Variants in AGBL5 observed in about 807,000 individuals in gnomAD.
The protein encoded by AGBL5 is cytosolic carboxypeptidase-like protein 5.
In AGBL5, 51 loss-of-function variants were observed where a neutral mutation model predicts 88.0. The ratio of observed to expected loss-of-function variants is 0.58; its 90% CI spans 0.46 to 0.73. The LOEUF (loss-of-function observed/expected upper bound fraction) is 0.73. AGBL5 is among the 30% of genes least tolerant of loss of function. The pLI is 0.00. For synonymous variants in AGBL5, 446 were observed against 438.8 expected (o/e 1.02, Z -0.21); for missense variants, 1,031 against 1,162.2 (o/e 0.89, Z 1.64).
At chr2:27,058,000 C>T (rs1388869126) in intron 9 of AGBL5, among the ~76,000 whole-genome samples, 16 of 150,614 alleles carry the variant, frequency 1.1e-4, no homozygotes, top group Admixed American at 6.6e-4. Flanking sequence ...CACTTGAACC[C>T]GGGAGGCAGA....
chr2:27,053,646 C>A lies in AGBL5; in HGVS notation c.387+73C>A. On this transcript the variant is annotated intron_variant, in intron 3 of 14. Coordinates refer to ENST00000360131, the MANE Select transcript of AGBL5 (RefSeq NM_021831.6). This position sits in a 1 kb window ranked among gnomAD's most constrained non-coding sequence, Gnocchi z 4.9. ...AGAGGAAAGTAAAGCGTTTTTTTTT[C>A]CTTGATACAAGTATGAAGCAGGTGG... 1 of 1,515,234 alleles carries A rather than the reference C, an allele frequency of 6.6e-7. No individual in the cohort carries two copies. Among genetic ancestry groups the A allele is most frequent in the East Asian group, 2.3e-5 (1 of 43,926 alleles). 93.9% of individuals were successfully genotyped at this position (1,515,234 alleles called of 1,614,324 possible).
chr2:27,054,448 C>T (rs1668328393), intron 4 of AGBL5, among the ~76,000 whole-genome samples, 182 bp from the exon 5 acceptor site: 1 of 152,182 alleles, frequency 6.6e-6, no homozygotes, highest in African/African-American at 2.4e-5. Context: ...CTGTCCTGTA[C>T]TCTTCATTCT....
rs574993893 is a variant in AGBL5, at chr2:27,069,017, T to C, written c.2355+273T>C. On this transcript the variant is annotated intron_variant, in intron 13 of 14. Transcript: ENST00000360131. ...TGCTAGCTTTGGCTTTCCCTGCCCC[T>C]GCCCTTAGCTTCTCCTCTCTTTCTG... is the stretch of plus-strand genomic sequence containing the variant. 2.1e-6 allele frequency: 3 copies of C among 1,415,340 alleles called. No individual in the cohort carries two copies. The African/African-American group carries it at 4.3e-5, about 20-fold the overall frequency. The allele number at this position is 1,415,340 out of a possible 1,614,324, so 87.7% of individuals were successfully genotyped here.
intron 9 of AGBL5, among the ~76,000 whole-genome samples, chr2:27,057,759 T>G (rs944452769): frequency 6.6e-6 from 1 of 152,172 alleles, no homozygotes; most frequent in Non-Finnish European, 1.5e-5. Flanking sequence ...ACTGTAGTGG[T>G]CTTGATGATT....
chr2:27,053,849 T>G lies in AGBL5; in HGVS notation c.388-47T>G, dbSNP rs1466747685. The stretch of plus-strand genomic sequence containing the variant: ...CTGGTGGTCCCAGTAGGAGCTCAGT[T>G]CTGACAATGGCATGTTGCCCCTCCC... On this transcript the variant is annotated intron_variant, in intron 3 of 14. Coordinates refer to ENST00000360131, the MANE Select transcript of AGBL5 (RefSeq NM_021831.6). This position sits in a 1 kb window ranked among gnomAD's most constrained non-coding sequence, Gnocchi z 4.9. 6.3e-7 allele frequency: 1 copy of G among 1,578,170 alleles called. No individual in the cohort carries two copies. Among genetic ancestry groups the G allele is most frequent in the Non-Finnish European group, 8.6e-7 (1 of 1,158,548 alleles).
chr2:27,068,575 G>C, intron 12 of AGBL5, 57 bp from the exon 13 acceptor site: 1 of 1,502,032 alleles, frequency 6.7e-7, no homozygotes, highest in South Asian at 1.2e-5. Flanking sequence ...TGATCCTTTG[G>C]AAGTTACCTC....
chr2:27,053,362 C>T lies in AGBL5; in HGVS notation c.216-40C>T, dbSNP rs868182055. 7.5e-6 allele frequency: 12 copies of T among 1,602,666 alleles called. No individual in the cohort carries two copies. Among genetic ancestry groups the T allele is most frequent in the Middle Eastern group, 1.7e-4 (1 of 6,016 alleles). On this transcript the variant is annotated intron_variant, in intron 2 of 14. Transcript: ENST00000360131. This position sits in a 1 kb window ranked among gnomAD's most constrained non-coding sequence, Gnocchi z 4.9. ...TCTCCCACAGACCATATCTCCAACCCTTCCACACGTAATGACCTCTCTCTT... is the reference window on the plus strand; with the variant it reads ...TCTCCCACAGACCATATCTCCAACCTTTCCACACGTAATGACCTCTCTCTT...
chr2:27,056,472 C>A, intron 7 of AGBL5, 151 bp from the exon 8 acceptor site: 1 of 739,646 alleles, frequency 1.4e-6, no homozygotes, highest in Non-Finnish European at 2.1e-6. Context: ...GAAGTAATGT[C>A]AAACTGAGAA....
At chr2:27,066,220 T>G in intron 11 of AGBL5, among the ~76,000 whole-genome samples, 3 of 120,000 alleles carry the variant, frequency 2.5e-5, no homozygotes, top group East Asian at 2.4e-4. Flanking sequence ...GGTGACAGAG[T>G]GAGACCCTGT....
intron 12 of AGBL5, among the ~76,000 whole-genome samples, chr2:27,068,402 G>C (rs1169671852): frequency 6.6e-6 from 1 of 152,134 alleles, no homozygotes; most frequent in African/African-American, 2.4e-5. Flanking sequence ...GCAACATCTG[G>C]AGACATTTTT....
At chr2:27,061,230 A>ATTTTT (rs57209192) in intron 11 of AGBL5, 1 of 111,156 alleles carries the variant, frequency 9.0e-6, no homozygotes, top group African/African-American at 3.6e-5. Context: ...CATCCAGCTA[A>ATTTTT]TTTTTTTTTT....
chr2:27,068,804 T>C, intron 13 of AGBL5, 60 bp downstream of exon 13: 1 of 1,598,280 alleles, frequency 6.3e-7, no homozygotes. Context: ...GCACTGTTCC[T>C]CTGGGTAGTG....
chr2:27,069,429 C>A (rs1034016506), intron 13 of AGBL5, 144 bp from the exon 14 acceptor site: 23 of 1,512,596 alleles, frequency 1.5e-5, no homozygotes, highest in Non-Finnish European at 2.0e-5. Flanking sequence ...TCTTGCCTCA[C>A]CCTCTCAGCT....
chr2:27,069,004 C>G (rs968343701), intron 13 of AGBL5: 7 of 1,436,116 alleles, frequency 4.9e-6, no homozygotes, highest in African/African-American at 1.4e-5. Flanking sequence ...CTAGCTTTGG[C>G]TTTCCCTGCC....
In AGBL5 at chr2:27,059,416, T is replaced by C; in HGVS notation, c.2089+12T>C. ...GGGCCCCGTCAGAGGTAAGCCAGTC[T>C]GGGAGCCCCTGCAACATGTGTTCGG... On this transcript the variant is annotated intron_variant, in intron 11 of 14. Coordinates refer to ENST00000360131, the MANE Select transcript of AGBL5 (RefSeq NM_021831.6). The C allele has an allele frequency of 6.2e-7, 1 of 1,613,944 alleles. No homozygotes were observed.
chr2:27,056,202 C>G (rs1668426516), intron 7 of AGBL5, 64 bp downstream of exon 7: 1 of 1,524,548 alleles, frequency 6.6e-7, no homozygotes, highest in Non-Finnish European at 8.9e-7. Flanking sequence ...TGGGGTTAGG[C>G]CATGAACAGA....
chr2:27,067,910 G>T (rs1669076167), intron 12 of AGBL5: 1 of 517,026 alleles, frequency 1.9e-6, no homozygotes, highest in Non-Finnish European at 3.6e-6. Context: ...GGAACCTGAA[G>T]ACTTTTGTCT....
intron 11 of AGBL5, among the ~76,000 whole-genome samples, chr2:27,060,102 T>G (rs1461128313): frequency 1.3e-5 from 2 of 152,214 alleles, no homozygotes; most frequent in African/African-American, 4.8e-5. Context: ...TGAGCCAAGA[T>G]CGTGCCACTG....
rs1307872874 is a variant in AGBL5, at chr2:27,058,454, C to T, written c.1726C>T (p.Pro576Ser). The part of the protein sequence containing the change: ...ALDMAECNPW[P>S]RIVLSEHSSL... ...GGACATGGCGGAATGTAATCCGTGG[C>T]CCCGAATTGTACTGTCAGAGCACAG... The change falls in exon 10 of 15, where the codon CCC (proline) becomes TCC (serine). Residue 576 changes from proline (P) to serine (S), a missense_variant. Physicochemically the swap from Pro to Ser is moderately conservative, Grantham distance 74 (BLOSUM62 -1). Around this residue, in one of 2 missense-constraint regions of AGBL5, gnomAD observed 491 missense variants for 484.0 expected, o/e 1.01. Transcript: ENST00000360131. The T allele has an allele frequency of 2.5e-6, 4 of 1,613,922 alleles. No homozygotes were observed. The highest frequency in any genetic ancestry group is 3.4e-6 in the Non-Finnish European group (4 of 1,180,032).
Sources: allele counts gnomAD v4.1 joint callset (sites outside exome capture counted in the v4.1 genomes callset), GRCh38; gene constraint gnomAD v4.1.1; regional missense constraint gnomAD v4.1.1; non-coding constraint Gnocchi (gnomAD v3.1); transcripts MANE v1.5; gene names NCBI Gene and HGNC (gene_info 2026-07-23, HGNC 2026-07-21).